The following NEMP1 variants were observed in gnomAD, a reference collection of about 807,000 sequenced individuals.
NEMP1 encodes the protein nuclear envelope integral membrane protein 1, also known as transmembrane protein 194.
A neutral mutation model predicts 53.7 loss-of-function variants in NEMP1; 29 were observed. The ratio of observed to expected loss-of-function variants is 0.54; its 90% CI spans 0.40 to 0.74. NEMP1 has a LOEUF of 0.74. Ranked by LOEUF, NEMP1 falls within the 30% of genes least tolerant of loss-of-function variation. NEMP1 has a pLI of 0.00. For synonymous variants in NEMP1, 193 were observed against 192.9 expected, an observed-to-expected ratio of 1.00 and a Z score of 0.00; for missense variants, 477 against 528.6, an observed-to-expected ratio of 0.90 and a Z score of 0.96.
At position 57,071,077 on chromosome 12, in the gene NEMP1, CAT is replaced by C. The variant is rs574575872; in HGVS notation, c.253-186_253-185del. ...ACATAATTGGGCAAATAACACTGCA[CAT>C]GTTACAGAGAGACAGCTGTTAGAAT... On this transcript the variant is annotated intron_variant, in intron 2 of 8. Transcript: ENST00000300128. Among the ~76,000 whole-genome samples the C allele has an allele frequency of 3.7e-3, 560 of 152,284 alleles. 2 individuals are homozygous for C. The highest frequency in any genetic ancestry group is 6.6e-3 in the Non-Finnish European group (450 of 68,028).
rs1338827397 is a variant in NEMP1, at chr12:57,057,906, G to A, written c.*1973C>T. 2 of 152,134 alleles carry A rather than the reference G, an allele frequency of 1.3e-5. No individual in the cohort carries two copies. Among genetic ancestry groups the A allele is most frequent in the East Asian group, 1.9e-4 (1 of 5,196 alleles). 9.4% of individuals were successfully genotyped at this position (152,134 alleles called of 1,614,324 possible). A position where few individuals can be genotyped will look rare whatever the true frequency, so the allele number is the denominator to read the frequency against. ...CAGAGAATCCTGAGACCACTTGCAC[G>A]AGTTGAATTATTTTTTAAAATAAAC... On this transcript the variant is annotated 3_prime_UTR_variant, in exon 9 of 9. Transcript: ENST00000300128.
At chr12:57,080,839 C>T (rs568773708), upstream of NEMP1, among the ~76,000 whole-genome samples, 1 of 150,100 alleles carries the variant, frequency 6.7e-6, no homozygotes, top group East Asian at 2.0e-4. Flanking sequence ...TGCAGTGAGC[C>T]GAGATCATGC....
At chr12:57,077,165 T>C (rs1324055393) in intron 1 of NEMP1, among the ~76,000 whole-genome samples, 1 of 151,166 alleles carries the variant, frequency 6.6e-6, no homozygotes, top group African/African-American at 2.4e-5. Context: ...ACCCCCTCTC[T>C]ACTAAAAATA....
intron 1 of NEMP1, among the ~76,000 whole-genome samples, chr12:57,084,787 G>A (rs2032943452): frequency 6.6e-6 from 1 of 152,192 alleles, no homozygotes; most frequent in Non-Finnish European, 1.5e-5. Flanking sequence ...AACAATTTCA[G>A]AAATTAAGTG....
At chr12:57,066,824 G>C (rs968462152) in intron 4 of NEMP1, among the ~76,000 whole-genome samples, 1 of 152,006 alleles carries the variant, frequency 6.6e-6, no homozygotes, top group East Asian at 1.9e-4. Context: ...TCATGGTAGT[G>C]AATAAGTCTC....
At chr12:57,084,468 G>T (rs944492591) in intron 1 of NEMP1, among the ~76,000 whole-genome samples, 2 of 151,990 alleles carry the variant, frequency 1.3e-5, no homozygotes, top group Non-Finnish European at 1.5e-5. Context: ...AAGTCCTGTC[G>T]ATCTTATTTT....
chr12:57,079,002 G>A (rs552970947), upstream of NEMP1, among the ~76,000 whole-genome samples: 1 of 152,338 alleles, frequency 6.6e-6, no homozygotes, highest in Non-Finnish European at 1.5e-5. Context: ...ATCCCACCCC[G>A]CTAACAACAT....
At chr12:57,070,311 C>A (rs1224461384) in intron 3 of NEMP1, among the ~76,000 whole-genome samples, 3 of 152,218 alleles carry the variant, frequency 2.0e-5, no homozygotes, top group African/African-American at 7.2e-5. Flanking sequence ...ACACATCAGA[C>A]AGTTACCTTT....
chr12:57,065,738 T>A (rs1250176296), intron 4 of NEMP1, among the ~76,000 whole-genome samples: 1 of 151,848 alleles, frequency 6.6e-6, no homozygotes, highest in South Asian at 2.1e-4. Context: ...TGGGCTCAAG[T>A]GATCTGCCCG....
chr12:57,087,578 T>C (rs1431276092), intron 1 of NEMP1, among the ~76,000 whole-genome samples: 1 of 151,728 alleles, frequency 6.6e-6, no homozygotes, highest in Non-Finnish European at 1.5e-5. Flanking sequence ...CCACCCCCAC[T>C]GTGTTTGGCG....
At position 57,060,061 on chromosome 12, in the gene NEMP1, T is replaced by C. The variant is rs2031726756; in HGVS notation, c.1155-2A>G. The C allele has an allele frequency of 6.2e-7, 1 of 1,613,428 alleles. No homozygotes were observed. On this transcript the variant is annotated splice_acceptor_variant, in intron 8 of 8. Transcript: ENST00000300128. LOFTEE classifies it high-confidence loss of function. ...GAGCCTTCCACAAAGTCAGCAAATC[T>C]GGAAAAGAGAAGATAATACTCGTTA...
chr12:57,067,073 C>T (rs530991685), intron 4 of NEMP1, among the ~76,000 whole-genome samples: 271 of 152,302 alleles, frequency 1.8e-3, no homozygotes, highest in Non-Finnish European at 3.5e-3. Context: ...CGCCTGTAAT[C>T]CCAGCACTTT....
intron 1 of NEMP1, among the ~76,000 whole-genome samples, chr12:57,073,532 T>C (rs532892210): frequency 5.7e-4 from 87 of 152,078 alleles, no homozygotes; most frequent in African/African-American, 2.1e-3. Context: ...TAATCCCAGC[T>C]ACTCGAGAGG....
At chr12:57,086,303 T>C (rs1328173857) in intron 1 of NEMP1, among the ~76,000 whole-genome samples, 2 of 152,188 alleles carry the variant, frequency 1.3e-5, no homozygotes, top group East Asian at 1.9e-4. Context: ...ACTGTTTCCC[T>C]TCACGGAGGA....
Position 57,060,007 on chromosome 12 carries a change from C to T in NEMP1, c.1207G>A (p.Val403Ile), listed in dbSNP as rs2031722547. The change falls in exon 9 of 9, where the codon GTC becomes ATC. Residue 403 changes from valine (V) to isoleucine (I), a missense_variant. Val to Ile is a conservative substitution (Grantham distance 29, BLOSUM62 3). Transcript: ENST00000300128. ...CCTAATCCATACTCCTGCTCATGGACAGAAACTTCATTTGGCGTGAGGTGG... is the reference window on the plus strand; with the variant it reads ...CCTAATCCATACTCCTGCTCATGGATAGAAACTTCATTTGGCGTGAGGTGG... The part of the protein sequence containing the change: ...SSHLTPNEVS[V>I]HEQEYGLGSI... 1 of 1,613,970 alleles carries T rather than the reference C, an allele frequency of 6.2e-7. No individual in the cohort carries two copies.
chr12:57,085,713 G>A (rs2032970999), intron 1 of NEMP1, among the ~76,000 whole-genome samples: 2 of 152,206 alleles, frequency 1.3e-5, no homozygotes, highest in African/African-American at 4.8e-5. Flanking sequence ...ACTACCTTTA[G>A]CATCTGAGTG....
rs1287694012 is a variant in NEMP1, at chr12:57,057,551, C to G, written c.*2328G>C. 1.3e-5 allele frequency: 2 copies of G among 152,546 alleles called. No individual in the cohort carries two copies. Among genetic ancestry groups the G allele is most frequent in the Non-Finnish European group, 2.9e-5 (2 of 68,252 alleles). 9.4% of individuals were successfully genotyped at this position (152,546 alleles called of 1,614,324 possible). On this transcript the variant is annotated 3_prime_UTR_variant, in exon 9 of 9. Transcript: ENST00000300128. ...AGGCAGGCAGGGCAAGGACACACAG[C>G]ACACCAGAGCAGCACCGTCCTTCAC...
intron 8 of NEMP1, 115 bp from the exon 9 acceptor site, chr12:57,060,174 T>C: frequency 1.1e-6 from 1 of 934,360 alleles, no homozygotes; most frequent in Non-Finnish European, 1.6e-6. Flanking sequence ...TTATATTAAG[T>C]CTAGCCAACA....
chr12:57,067,431 AAC>A (rs1266525833), intron 4 of NEMP1, among the ~76,000 whole-genome samples: 3 of 152,194 alleles, frequency 2.0e-5, no homozygotes, highest in African/African-American at 7.2e-5. Context: ...GGATCACCAT[AAC>A]AGTTATAATC....
Sources: gnomAD v4.1 joint callset for allele counts (sites outside exome capture counted in the v4.1 genomes callset) on GRCh38, gnomAD v4.1.1 for gene constraint, MANE v1.5 for transcripts, NCBI Gene and HGNC (gene_info 2026-07-23, HGNC 2026-07-21) for gene names.